IQCM: variants seen among roughly 807,000 people sequenced by gnomAD.
IQCM encodes IQ motif containing M.
Under a neutral mutation model 57.6 loss-of-function variants are expected in IQCM, and 45 were observed. That is an observed-to-expected ratio of 0.78 (90% CI 0.62 to 1.00). The LOEUF is 1.00. Among genes scored for constraint, IQCM ranks in the 50% least tolerant of loss-of-function variants. The pLI is 0.00. For missense variants in IQCM, 468 were observed against 511.6 expected (o/e 0.91, Z 0.82); for synonymous variants, 148 against 158.9 (o/e 0.93, Z 0.51).
intron 8 of IQCM, among the ~76,000 whole-genome samples, chr4:149,600,197 C>T (rs905031243): frequency 3.3e-5 from 5 of 152,206 alleles, no homozygotes; most frequent in African/African-American, 7.2e-5. Flanking sequence ...TTATATTCTA[C>T]GTGGCAGGTC....
At chr4:149,432,382 G>A (rs555617753) in intron 13 of IQCM, among the ~76,000 whole-genome samples, 45 of 151,884 alleles carry the variant, frequency 3.0e-4, no homozygotes, top group African/African-American at 8.7e-4. Context: ...GCAAAACTGC[G>A]AAGTTAATTT....
chr4:149,715,306 A>G (rs556807750), intron 5 of IQCM, among the ~76,000 whole-genome samples: 262 of 152,344 alleles, frequency 1.7e-3, no homozygotes, highest in African/African-American at 5.2e-3. Context: ...CAGCCACTGC[A>G]TACAGTCAGT....
At chr4:149,359,352 C>A (rs894608494) in intron 13 of IQCM, among the ~76,000 whole-genome samples, 23 of 152,020 alleles carry the variant, frequency 1.5e-4, no homozygotes, top group Non-Finnish European at 2.6e-4. Flanking sequence ...ATATTAAATA[C>A]CAAAATATTA....
At chr4:149,801,562 A>G (rs1773604915) in intron 2 of IQCM, among the ~76,000 whole-genome samples, 1 of 152,018 alleles carries the variant, frequency 6.6e-6, no homozygotes, top group African/African-American at 2.4e-5. Flanking sequence ...ATTCATCCAT[A>G]AAAAAATGAG....
At chr4:149,602,226 A>G (rs1433052695) in intron 8 of IQCM, among the ~76,000 whole-genome samples, 2 of 152,118 alleles carry the variant, frequency 1.3e-5, no homozygotes, top group Admixed American at 6.5e-5. Flanking sequence ...TACAGATTAT[A>G]CAAAAAATAG....
At chr4:149,499,914 A>G (rs1256150317) in intron 12 of IQCM, among the ~76,000 whole-genome samples, 1 of 152,182 alleles carries the variant, frequency 6.6e-6, no homozygotes, top group Non-Finnish European at 1.5e-5. Flanking sequence ...CCTCAAGACT[A>G]CGCAAGTTCT....
chr4:149,595,080 T>C (rs964521478), intron 8 of IQCM, among the ~76,000 whole-genome samples: 4 of 152,216 alleles, frequency 2.6e-5, no homozygotes, highest in African/African-American at 9.7e-5. Context: ...ATTATTATTA[T>C]GTGGGAGTCT....
intron 7 of IQCM, among the ~76,000 whole-genome samples, chr4:149,636,152 G>A (rs923565100): frequency 6.6e-6 from 1 of 152,090 alleles, no homozygotes; most frequent in South Asian, 2.1e-4. Context: ...ATGGTCACAA[G>A]GCAGTCTGAT....
At chr4:149,593,454 A>C (rs1044781463) in intron 8 of IQCM, among the ~76,000 whole-genome samples, 21 of 151,780 alleles carry the variant, frequency 1.4e-4, no homozygotes, top group African/African-American at 3.9e-4. Context: ...TTATTTCTTT[A>C]TCCTGCCTGA....
At chr4:149,705,704 T>C (rs1050485177) in intron 5 of IQCM, among the ~76,000 whole-genome samples, 17 of 151,944 alleles carry the variant, frequency 1.1e-4, no homozygotes, top group African/African-American at 3.4e-4. Flanking sequence ...CACCTTCTAG[T>C]AAATATCATA....
intron 13 of IQCM, among the ~76,000 whole-genome samples, chr4:149,365,851 C>A (rs66495163): frequency 0.28 from 42,861 of 151,856 alleles, 6,187 homozygotes; most frequent in Middle Eastern, 0.33. Context: ...CCAAGATGAG[C>A]CTAATAAGAC....
intron 13 of IQCM, among the ~76,000 whole-genome samples, chr4:149,362,140 C>T (rs1306000471): frequency 6.6e-6 from 1 of 152,098 alleles, no homozygotes; most frequent in African/African-American, 2.4e-5. Flanking sequence ...GCCAATTTCT[C>T]CCATATGGGA....
intron 12 of IQCM, among the ~76,000 whole-genome samples, chr4:149,492,597 C>T (rs1742212272): frequency 6.6e-6 from 1 of 152,052 alleles, no homozygotes; most frequent in African/African-American, 2.4e-5. Flanking sequence ...CCATAAGGCC[C>T]ATTCGAACAT....
chr4:149,806,960 G>GA (rs1259857377), intron 2 of IQCM, among the ~76,000 whole-genome samples: 16 of 151,684 alleles, frequency 1.1e-4, no homozygotes, highest in Middle Eastern at 6.8e-3. Context: ...TCAAAGAGGT[G>GA]AAAAATCTCT....
intron 13 of IQCM, among the ~76,000 whole-genome samples, chr4:149,399,257 C>T (rs920620757): frequency 6.6e-6 from 1 of 151,998 alleles, no homozygotes; most frequent in Non-Finnish European, 1.5e-5. Flanking sequence ...TTTCACACCA[C>T]CCTACTTAAA....
At chr4:149,693,069 C>G (rs181229323) in intron 5 of IQCM, among the ~76,000 whole-genome samples, 2 of 152,200 alleles carry the variant, frequency 1.3e-5, no homozygotes, top group African/African-American at 4.8e-5. Flanking sequence ...GCACTACTTA[C>G]TATGTGCTCC....
At chr4:149,777,893 A>G (rs1771240747) in intron 2 of IQCM, among the ~76,000 whole-genome samples, 1 of 152,136 alleles carries the variant, frequency 6.6e-6, no homozygotes. Context: ...GAGGTCAGCA[A>G]TCCAAGAATA....
intron 12 of IQCM, among the ~76,000 whole-genome samples, chr4:149,511,749 T>C (rs1247464513): frequency 6.6e-6 from 1 of 152,134 alleles, no homozygotes; most frequent in Non-Finnish European, 1.5e-5. Context: ...GTGTCTATCC[T>C]CTTTCCTTTG....
At chr4:149,600,623 G>A (rs1349570113) in intron 8 of IQCM, among the ~76,000 whole-genome samples, 1 of 152,106 alleles carries the variant, frequency 6.6e-6, no homozygotes, top group East Asian at 1.9e-4. Flanking sequence ...GGGATTTACA[G>A]CTGCCTATCA....
Sources: allele counts gnomAD v4.1 joint callset (sites outside exome capture counted in the v4.1 genomes callset), GRCh38; gene constraint gnomAD v4.1.1; transcripts MANE v1.5; gene names NCBI Gene and HGNC (gene_info 2026-07-23, HGNC 2026-07-21).